The following ERO1B variants were observed in gnomAD, a reference collection of about 807,000 sequenced individuals.
ERO1B encodes ERO1-like protein beta.
Under a neutral mutation model 75.3 loss-of-function variants are expected in ERO1B, and 49 were observed. The observed-to-expected ratio is 0.65, with a 90% CI of 0.52 to 0.83. The LOEUF (loss-of-function observed/expected upper bound fraction) is 0.83. Among genes scored for constraint, ERO1B ranks in the 40% least tolerant of loss-of-function variants. The pLI, the probability that ERO1B is intolerant of heterozygous loss-of-function variation, is 0.00. For synonymous variants in ERO1B, 191 were observed against 192.9 expected, an observed-to-expected ratio of 0.99 and a Z score of 0.08; for missense variants, 512 against 560.1, an observed-to-expected ratio of 0.91 and a Z score of 0.87.
At chr1:236,253,540 T>C in intron 2 of ERO1B, 35 bp from the exon 3 acceptor site, 6 of 1,393,782 alleles carry the variant, frequency 4.3e-6, no homozygotes, top group Non-Finnish European at 6.1e-6. Context: ...AAACTCATAT[T>C]ATAGTTATGG....
intron 10 of ERO1B, among the ~76,000 whole-genome samples, chr1:236,228,998 C>G (rs544809861): frequency 6.6e-6 from 1 of 152,308 alleles, no homozygotes; most frequent in African/African-American, 2.4e-5. Context: ...CAATTTGTAT[C>G]TTTAGAGTAG....
At chr1:236,281,644 C>A in intron 1 of ERO1B, 38 bp downstream of exon 1, 3 of 1,321,364 alleles carry the variant, frequency 2.3e-6, no homozygotes, top group South Asian at 3.4e-5. Context: ...CGCGGGTGTT[C>A]GGCCGGGGGT....
At chr1:236,234,538 T>C (rs1664491285) in intron 8 of ERO1B, among the ~76,000 whole-genome samples, 1 of 152,210 alleles carries the variant, frequency 6.6e-6, no homozygotes, top group African/African-American at 2.4e-5. Context: ...AGAAAAGTTG[T>C]GAGGCAAAAG....
At chr1:236,253,373 A>G (rs1665084500) in intron 3 of ERO1B, 49 bp downstream of exon 3, 12 of 1,153,244 alleles carry the variant, frequency 1.0e-5, no homozygotes, top group Non-Finnish European at 1.5e-5. Flanking sequence ...ATGCTTTTCT[A>G]AAAGTCCAAG....
At chr1:236,279,774 A>G (rs1665788722) in intron 1 of ERO1B, among the ~76,000 whole-genome samples, 1 of 149,904 alleles carries the variant, frequency 6.7e-6, no homozygotes, top group Admixed American at 6.7e-5. Flanking sequence ...TGAACCTGTG[A>G]GGCAGAGGTT....
At chr1:236,244,938 GAA>G (rs1240841161) in intron 5 of ERO1B, among the ~76,000 whole-genome samples, 1 of 152,046 alleles carries the variant, frequency 6.6e-6, no homozygotes, top group Non-Finnish European at 1.5e-5. Flanking sequence ...TTCAAACTGG[GAA>G]ATGAGGAGCA....
chr1:236,243,411 T>G lies in ERO1B; in HGVS notation c.505+11A>C, dbSNP rs1246646295. On this transcript the variant is annotated intron_variant, in intron 6 of 15. Coordinates refer to ENST00000354619, the MANE Select transcript of ERO1B (RefSeq NM_019891.4). The stretch of plus-strand genomic sequence containing the variant: ...TTAAAATAATTTAATTATAATAGTT[T>G]ATTGTATTACCATCAAGTTCACAAA... 4 of 1,526,652 alleles carry G rather than the reference T, an allele frequency of 2.6e-6. No homozygotes were observed. In the Admixed American group the frequency reaches 7.3e-5, roughly 28 times the overall value. 94.6% of individuals were successfully genotyped at this position (1,526,652 alleles called of 1,614,324 possible).
In ERO1B at chr1:236,225,056, C is replaced by A. The variant is rs370170817; in HGVS notation, c.1122+14G>T. On this transcript the variant is annotated intron_variant, in intron 13 of 15. Transcript: ENST00000354619. ...ACTGCTCCCAACCCCGTGTCCCAATCGAGAACTTTTTACCTTTAGTGACTT... is the reference window on the plus strand; with the variant it reads ...ACTGCTCCCAACCCCGTGTCCCAATAGAGAACTTTTTACCTTTAGTGACTT... The A allele has an allele frequency of 1.2e-6, 2 of 1,612,848 alleles. No homozygotes were observed. Among genetic ancestry groups the A allele is most frequent in the Non-Finnish European group, 1.7e-6 (2 of 1,179,010 alleles).
At chr1:236,243,525 T>C (rs762527609) in intron 5 of ERO1B, 30 bp from the exon 6 acceptor site, 2 of 1,492,126 alleles carry the variant, frequency 1.3e-6, no homozygotes, top group Non-Finnish European at 1.8e-6. Flanking sequence ...AAAAGAAAAA[T>C]TATTAAATTT....
At position 236,270,852 on chromosome 1, in the gene ERO1B, G is replaced by A. The variant is rs191992772; in HGVS notation, c.103-858C>T. ...CATTTGTTGCCAGGGATTAGGGACT[G>A]GGGTAGGGGATGGATGATGGGGTAG... is the stretch of plus-strand genomic sequence containing the variant. On this transcript the variant is annotated intron_variant, in intron 1 of 15. Coordinates refer to ENST00000354619, the MANE Select transcript of ERO1B (RefSeq NM_019891.4). Among the ~76,000 whole-genome samples the A allele has an allele frequency of 5.0e-3, 767 of 152,290 alleles. 3 individuals are homozygous for A. Among genetic ancestry groups the A allele is most frequent in the Non-Finnish European group, 7.9e-3 (538 of 68,024 alleles).
In ERO1B at chr1:236,218,544, A is replaced by C; in HGVS notation, c.1376T>G (p.Phe459Cys). 1 of 1,410,726 alleles carries C rather than the reference A, an allele frequency of 7.1e-7. No homozygotes were observed. The highest frequency in any genetic ancestry group is 9.3e-7 in the Non-Finnish European group (1 of 1,072,088). 87.4% of individuals were successfully genotyped at this position (1,410,726 alleles called of 1,614,324 possible). Residue 459 changes from phenylalanine to cysteine, a missense_variant, in exon 16 of 16, where the codon TTT (phenylalanine) becomes TGT (cysteine). Phe to Cys is a radical substitution (Grantham distance 205). Coordinates refer to ENST00000354619, the MANE Select transcript of ERO1B (RefSeq NM_019891.4). ...CCTACTGTGTTGTAATAAGACTTTA[A>C]AATTCTGTAAGTCTCTTATACTTGT... ...LSTSIRDLQN[F>C]KVLLQHSR
rs1462519930 is a variant in ERO1B, at chr1:236,216,451, T to G, written c.*2065A>C. On this transcript the variant is annotated 3_prime_UTR_variant, in exon 16 of 16. Coordinates refer to ENST00000354619, the MANE Select transcript of ERO1B (RefSeq NM_019891.4). ...TAGGCTGCCCCTACAATCTAATTTATGATAAAATAAGATGAATTTCAGCCT... is the reference window on the plus strand; with the variant it reads ...TAGGCTGCCCCTACAATCTAATTTAGGATAAAATAAGATGAATTTCAGCCT... The G allele has an allele frequency of 6.6e-6, 1 of 152,166 alleles. No individual in the cohort carries two copies. The highest frequency in any genetic ancestry group is 1.5e-5 in the Non-Finnish European group (1 of 67,992). 9.4% of individuals were successfully genotyped at this position (152,166 alleles called of 1,614,324 possible).
At chr1:236,239,809 G>GTGTATATATA (rs1664639753) in intron 6 of ERO1B, among the ~76,000 whole-genome samples, 1 of 47,264 alleles carries the variant, frequency 2.1e-5, no homozygotes, top group Non-Finnish European at 6.9e-5. Flanking sequence ...ATATATATGT[G>GTGTATATATA]TGTATATATA....
chr1:236,253,403 GTTATT>G lies in ERO1B; in HGVS notation c.306+14_306+18del. 2.6e-6 allele frequency: 4 copies of G among 1,512,934 alleles called. No individual in the cohort carries two copies. The highest frequency in any genetic ancestry group is 3.6e-6 in the Non-Finnish European group (4 of 1,098,128). The allele number at this position is 1,512,934 out of a possible 1,614,324, so 93.7% of individuals were successfully genotyped here. The stretch of plus-strand genomic sequence containing the variant: ...TCCAAGAGAAAATTGGCTTTGCCCT[GTTATT>G]TTATTTATTATACCTCTGGACAGGG... On this transcript the variant is annotated intron_variant, in intron 3 of 15. Transcript: ENST00000354619.
At chr1:236,281,007 T>TGCCAGA (rs1665817138) in intron 1 of ERO1B, among the ~76,000 whole-genome samples, 1 of 152,168 alleles carries the variant, frequency 6.6e-6, no homozygotes, top group Admixed American at 6.5e-5. Context: ...ACCTCACGAC[T>TGCCAGA]GCCAGAGCCA....
chr1:236,281,800 A>T lies in ERO1B; in HGVS notation c.-17T>A. On this transcript the variant is annotated 5_prime_UTR_variant, in exon 1 of 16. Coordinates refer to ENST00000354619, the MANE Select transcript of ERO1B (RefSeq NM_019891.4). Reference sequence around the variant, plus strand: ...TTGGCTCATGCTGACCTCTACCCACACCGCGGCCAGCCGGACCCCTCGGGG... The same window carrying T: ...TTGGCTCATGCTGACCTCTACCCACTCCGCGGCCAGCCGGACCCCTCGGGG... 7.2e-7 allele frequency: 1 copy of T among 1,398,476 alleles called. No homozygotes were observed. The highest frequency in any genetic ancestry group is 9.4e-7 in the Non-Finnish European group (1 of 1,065,648). 86.6% of individuals were successfully genotyped at this position (1,398,476 alleles called of 1,614,324 possible).
intron 1 of ERO1B, among the ~76,000 whole-genome samples, chr1:236,280,397 TCA>T (rs2102969844): frequency 6.6e-6 from 1 of 152,340 alleles, no homozygotes; most frequent in South Asian, 2.1e-4. Flanking sequence ...CTATTCCATC[TCA>T]GTGTTTTCCA....
intron 10 of ERO1B, among the ~76,000 whole-genome samples, chr1:236,229,451 A>C (rs1022255001): frequency 9.2e-5 from 14 of 152,094 alleles, no homozygotes; most frequent in Non-Finnish European, 1.8e-4. Context: ...TAATATTCAT[A>C]AGATAACATG....
chr1:236,230,901 C>A (rs943814860), intron 9 of ERO1B, among the ~76,000 whole-genome samples: 3 of 151,512 alleles, frequency 2.0e-5, no homozygotes, highest in Non-Finnish European at 4.4e-5. Context: ...TCGGATCCAA[C>A]CTGGGCAACA....
Sources: allele counts gnomAD v4.1 joint callset (sites outside exome capture counted in the v4.1 genomes callset), GRCh38; gene constraint gnomAD v4.1.1; transcripts MANE v1.5; gene names NCBI Gene and HGNC (gene_info 2026-07-23, HGNC 2026-07-21).